The following AKAP11 variants were observed in gnomAD, a reference collection of about 807,000 sequenced individuals.
AKAP11 encodes the protein A-kinase anchoring protein 11.
AKAP11 carries 36 observed loss-of-function variants against 146.1 expected under a neutral mutation model. The observed-to-expected ratio is 0.25, with a 90% CI of 0.19 to 0.33. AKAP11 has a LOEUF of 0.33. AKAP11 is among the 10% of genes least tolerant of loss of function. The pLI, the probability that AKAP11 is intolerant of heterozygous loss-of-function variation, is 1.00. For synonymous variants in AKAP11, 780 were observed against 786.5 expected (o/e 0.99, Z 0.14); for missense variants, 2,201 against 2,197.0 (o/e 1.00, Z -0.04).
At chr13:42,296,529 CAA>C (rs996805174) in intron 5 of AKAP11, among the ~76,000 whole-genome samples, 11 of 151,960 alleles carry the variant, frequency 7.2e-5, no homozygotes, top group Admixed American at 2.0e-4. Context: ...AAAGGGCAAA[CAA>C]GAAGAAGAAA....
At position 42,301,471 on chromosome 13, in the gene AKAP11, A is replaced by C; in HGVS notation, c.2725A>C (p.Lys909Gln). 6.2e-7 allele frequency: 1 copy of C among 1,613,364 alleles called. No individual in the cohort carries two copies. The highest frequency in any genetic ancestry group is 8.5e-7 in the Non-Finnish European group (1 of 1,179,806). Residue 909 changes from lysine (K) to glutamine (Q), a missense_variant, in exon 8 of 13, where the codon AAA becomes CAA. Physicochemically the swap from Lys to Gln is moderately conservative, Grantham distance 53. This residue lies in a region of AKAP11 where 1,867 missense variants were observed against 1,833.5 expected (regional missense o/e 1.02). Coordinates refer to ENST00000025301, the MANE Select transcript of AKAP11 (RefSeq NM_016248.4). ...MVDERTDYLT[K>Q]SLKEKTPPFS... is the part of the protein sequence containing the mutation. Reference sequence around the variant, plus strand: ...TGATGAACGTACAGATTATTTAACTAAATCTTTAAAGGAGAAAACCCCTCC... The same window carrying C: ...TGATGAACGTACAGATTATTTAACTCAATCTTTAAAGGAGAAAACCCCTCC...
rs79887532 is a variant in AKAP11, at chr13:42,283,385, A to G, written c.-99-2601A>G. ...CAGGGGCATGATTATATTTGTCTGG[A>G]TTTTTTCTTTTTATGTATATTGTAT... On this transcript the variant is annotated intron_variant, in intron 1 of 12. Coordinates refer to ENST00000025301, the MANE Select transcript of AKAP11 (RefSeq NM_016248.4). Among the ~76,000 whole-genome samples, 672 of 151,962 alleles carry G rather than the reference A, an allele frequency of 4.4e-3. 14 individuals are homozygous for G. The East Asian group carries it at 0.047, about 11-fold the overall frequency.
chr13:42,314,436 G>C (rs1209792770), intron 11 of AKAP11, among the ~76,000 whole-genome samples: 2 of 119,682 alleles, frequency 1.7e-5, no homozygotes, highest in Admixed American at 1.9e-4. Context: ...CAGAGCCAGA[G>C]ACTCTGACTT....
Position 42,311,425 on chromosome 13 carries a change from A to G in AKAP11, c.5274-1622A>G, listed in dbSNP as rs534350348. Among the ~76,000 whole-genome samples, 522 of 152,272 alleles carry G rather than the reference A, an allele frequency of 3.4e-3. 1 individual carries two copies. The highest frequency in any genetic ancestry group is 0.01 in the Middle Eastern group (3 of 294). Reference sequence around the variant, plus strand: ...TTCTGCTGTTCTGTTGTAATTATTAACGGTGAGGTCTTTAAAAAAGTGTCC... The same window carrying G: ...TTCTGCTGTTCTGTTGTAATTATTAGCGGTGAGGTCTTTAAAAAAGTGTCC... On this transcript the variant is annotated intron_variant, in intron 9 of 12. Transcript: ENST00000025301.
rs1178882304 is a variant in AKAP11, at chr13:42,302,999, A to T, written c.4253A>T (p.His1418Leu). The change falls in exon 8 of 13, where the codon CAC becomes CTC. Residue 1418 changes from histidine (H) to leucine (L), a missense_variant. By Grantham distance (99) the His-to-Leu change is moderately conservative. This residue lies in a region of AKAP11 where 1,867 missense variants were observed against 1,833.5 expected (regional missense o/e 1.02). Transcript: ENST00000025301. ...TTAATGTTTTCAAACAAAGAGCACCACCAAGAAGCAGACAAAAAGAGACAA... is the reference window on the plus strand; with the variant it reads ...TTAATGTTTTCAAACAAAGAGCACCTCCAAGAAGCAGACAAAAAGAGACAA... ...ELLMFSNKEH[H>L]QEADKKRQSK... 6.2e-7 allele frequency: 1 copy of T among 1,613,702 alleles called. No individual in the cohort carries two copies. The highest frequency in any genetic ancestry group is 8.5e-7 in the Non-Finnish European group (1 of 1,179,966).
intron 1 of AKAP11, among the ~76,000 whole-genome samples, 176 bp downstream of exon 1, chr13:42,272,404 G>A (rs1958794236): frequency 6.6e-6 from 1 of 152,212 alleles, no homozygotes; most frequent in African/African-American, 2.4e-5. Flanking sequence ...ATGGCGGAGG[G>A]AGGAGGGCGG....
At chr13:42,286,160 T>TGG (rs368488446) in intron 2 of AKAP11, 125 bp downstream of exon 2, 2 of 388,944 alleles carry the variant, frequency 5.1e-6, no homozygotes, top group African/African-American at 2.1e-5. Context: ...GCAAGTAAAT[T>TGG]GGGGGGGGTG....
In AKAP11 at chr13:42,301,034, A is replaced by G. The variant is rs199696994; in HGVS notation, c.2288A>G (p.Glu763Gly). The G allele has an allele frequency of 2.8e-4, 445 of 1,614,024 alleles. No individual in the cohort carries two copies. Among genetic ancestry groups the G allele is most frequent in the Admixed American group, 1.1e-3 (64 of 59,994 alleles). Reference protein sequence around the residue: ...VTKPVQEYKKEYTVQQALFCT... With the variant: ...VTKPVQEYKKGYTVQQALFCT... Reference sequence around the variant, plus strand: ...AAACCAGTGCAGGAATATAAAAAGGAATACACAGTGCAGCAGGCCTTGTTT... The same window carrying G: ...AAACCAGTGCAGGAATATAAAAAGGGATACACAGTGCAGCAGGCCTTGTTT... Residue 763 changes from glutamate (E) to glycine (G), a missense_variant, in exon 8 of 13, where the codon GAA becomes GGA. Glu to Gly is a moderately conservative substitution (Grantham distance 98, BLOSUM62 -2). This residue lies in a region of AKAP11 where 1,867 missense variants were observed against 1,833.5 expected (regional missense o/e 1.02). Coordinates refer to ENST00000025301, the MANE Select transcript of AKAP11 (RefSeq NM_016248.4).
rs761817532 is a variant in AKAP11 at position 42,300,194 on chromosome 13, C to T, written c.1448C>T (p.Ser483Phe). The T allele has an allele frequency of 6.2e-7, 1 of 1,613,888 alleles. No homozygotes were observed. Among genetic ancestry groups the T allele is most frequent in the Admixed American group, 1.7e-5 (1 of 60,006 alleles). ...GATAGGATTCATGAAAATCATGATT[C>T]TGTTTATTACACCTATGAAGACTAT... ...GGDRIHENHD[S>F]VYYTYEDYAK... is the part of the protein sequence containing the mutation. Residue 483 changes from serine (S) to phenylalanine (F), a missense_variant, in exon 8 of 13, where the codon TCT (serine) becomes TTT (phenylalanine). Ser to Phe is a radical substitution (Grantham distance 155). Coordinates refer to ENST00000025301, the MANE Select transcript of AKAP11 (RefSeq NM_016248.4).
In AKAP11 at chr13:42,313,952, T is replaced by G; in HGVS notation, c.5404+12T>G. The G allele has an allele frequency of 6.2e-7, 1 of 1,613,258 alleles. No homozygotes were observed. The highest frequency in any genetic ancestry group is 8.5e-7 in the Non-Finnish European group (1 of 1,179,398). ...GGACGAAGTAGAAGGTAATTTGATTTGTTTTTCAAAGTGTTGGCATGTGTT... is the reference window on the plus strand; with the variant it reads ...GGACGAAGTAGAAGGTAATTTGATTGGTTTTTCAAAGTGTTGGCATGTGTT... On this transcript the variant is annotated intron_variant, in intron 11 of 12. Transcript: ENST00000025301.
intron 8 of AKAP11, among the ~76,000 whole-genome samples, chr13:42,307,966 T>C (rs1195543657): frequency 2.0e-5 from 3 of 152,160 alleles, no homozygotes; most frequent in Non-Finnish European, 4.4e-5. Flanking sequence ...ATGAAAGGGG[T>C]TATGATCTAT....
In AKAP11 at chr13:42,316,563, G is replaced by A. The variant is rs76748181; in HGVS notation, c.5405-965G>A. ...CTAGAAGTATACCAGAAAATTCCCT[G>A]ATCTGGCTTTTGGGTGTAAGTGGTT... On this transcript the variant is annotated intron_variant, in intron 11 of 12. Coordinates refer to ENST00000025301, the MANE Select transcript of AKAP11 (RefSeq NM_016248.4). Among the ~76,000 whole-genome samples, 677 of 152,310 alleles carry A rather than the reference G, an allele frequency of 4.4e-3. 15 individuals are homozygous for A. In the East Asian group the frequency reaches 0.047, roughly 11 times the overall value.
Position 42,303,515 on chromosome 13 carries a change from G to A in AKAP11, c.4769G>A (p.Cys1590Tyr), listed in dbSNP as rs754941987. 3 of 1,614,190 alleles carry A rather than the reference G, an allele frequency of 1.9e-6. No homozygotes were observed. Among genetic ancestry groups the A allele is most frequent in the Non-Finnish European group, 2.5e-6 (3 of 1,180,024 alleles). Residue 1590 changes from cysteine (C) to tyrosine (Y), a missense_variant, in exon 8 of 13, where the codon TGT becomes TAT. Cys to Tyr is a radical substitution (Grantham distance 194). Transcript: ENST00000025301. Reference sequence around the variant, plus strand: ...CTTACAGGTCAAGCTTGCAGATACTGTGACCTTAAAGAACTCCACAATTGC... The same window carrying A: ...CTTACAGGTCAAGCTTGCAGATACTATGACCTTAAAGAACTCCACAATTGC... ...SPLTGQACRY[C>Y]DLKELHNCTG...
intron 1 of AKAP11, among the ~76,000 whole-genome samples, chr13:42,277,312 T>C (rs999005477): frequency 1.3e-5 from 2 of 152,252 alleles, no homozygotes; most frequent in African/African-American, 4.8e-5. Context: ...ATGAAAATGT[T>C]AACTGTTTTA....
intron 1 of AKAP11, among the ~76,000 whole-genome samples, chr13:42,280,393 C>G (rs1231756955): frequency 6.6e-6 from 1 of 152,156 alleles, no homozygotes; most frequent in Non-Finnish European, 1.5e-5. Flanking sequence ...ATCTCAGATA[C>G]TATAAAGTAG....
chr13:42,278,807 C>A (rs1299846704), intron 1 of AKAP11, among the ~76,000 whole-genome samples: 1 of 152,176 alleles, frequency 6.6e-6, no homozygotes, highest in African/African-American at 2.4e-5. Context: ...TGAAGAATTT[C>A]TTTCCATAGT....
At position 42,300,281 on chromosome 13, in the gene AKAP11, T is replaced by C; in HGVS notation, c.1535T>C (p.Leu512Pro). 1 of 1,613,612 alleles carries C rather than the reference T, an allele frequency of 6.2e-7. No individual in the cohort carries two copies. Among genetic ancestry groups the C allele is most frequent in the Non-Finnish European group, 8.5e-7 (1 of 1,179,740 alleles). The change falls in exon 8 of 13, where the codon CTA becomes CCA. Residue 512 changes from leucine (L) to proline (P), a missense_variant. Coordinates refer to ENST00000025301, the MANE Select transcript of AKAP11 (RefSeq NM_016248.4). ...SVLRTHHTNT[L>P]SNINSIKHGE... The stretch of plus-strand genomic sequence containing the variant: ...CTTCGTACCCACCATACTAATACCC[T>C]ATCAAATATTAACAGTATTAAACAT...
At position 42,302,372 on chromosome 13, in the gene AKAP11, T is replaced by C; in HGVS notation, c.3626T>C (p.Leu1209Pro). Residue 1209 changes from leucine to proline, a missense_variant, in exon 8 of 13, where the codon CTT becomes CCT. Around this residue, in one of 3 missense-constraint regions of AKAP11, gnomAD observed 1,867 missense variants for 1,833.5 expected, o/e 1.02. Coordinates refer to ENST00000025301, the MANE Select transcript of AKAP11 (RefSeq NM_016248.4). Reference protein sequence around the residue: ...AEALATHILSLATEMAASHLD... With the variant: ...AEALATHILSPATEMAASHLD... Reference sequence around the variant, plus strand: ...GCATTAGCTACACACATCCTTTCTCTTGCAACTGAAATGGCAGCTTCCCAT... The same window carrying C: ...GCATTAGCTACACACATCCTTTCTCCTGCAACTGAAATGGCAGCTTCCCAT... 1 of 1,614,122 alleles carries C rather than the reference T, an allele frequency of 6.2e-7. No individual in the cohort carries two copies. Among genetic ancestry groups the C allele is most frequent in the Non-Finnish European group, 8.5e-7 (1 of 1,180,004 alleles).
chr13:42,276,150 G>A (rs1344284516), intron 1 of AKAP11, among the ~76,000 whole-genome samples: 1 of 152,026 alleles, frequency 6.6e-6, no homozygotes, highest in East Asian at 1.9e-4. Context: ...CAGCTTTCAG[G>A]TTCTCTATAT....
Sources: gnomAD v4.1 joint callset for allele counts (sites outside exome capture counted in the v4.1 genomes callset) on GRCh38, gnomAD v4.1.1 for gene constraint, gnomAD v4.1.1 regional missense constraint, MANE v1.5 for transcripts, NCBI Gene and HGNC (gene_info 2026-07-23, HGNC 2026-07-21) for gene names.